Variants in ERAP1 observed in about 807,000 individuals in gnomAD.
ERAP1 encodes the protein endoplasmic reticulum aminopeptidase 1.
In ERAP1, 86 loss-of-function variants were observed where a neutral mutation model predicts 103.7. The observed-to-expected ratio is 0.83, with a 90% CI of 0.70 to 0.99. The LOEUF is 0.99. Among genes scored for constraint, ERAP1 ranks in the 50% least tolerant of loss-of-function variants. The probability of loss-of-function intolerance (pLI) is 0.00; values close to 1 mark genes in which losing one functional copy is unlikely to be tolerated. For missense variants in ERAP1, 1,009 were observed against 1,128.4 expected (o/e 0.89, Z 1.52); for synonymous variants, 398 against 402.4 (o/e 0.99, Z 0.13).
rs376575167 is a variant in ERAP1, at chr5:96,803,755, C to T, written c.172G>A (p.Val58Ile). Residue 58 changes from valine (V) to isoleucine (I), a missense_variant, in exon 2 of 19, where the codon GTC (valine) becomes ATC (isoleucine). By Grantham distance (29) the Val-to-Ile change is conservative. Around this residue, in one of 3 missense-constraint regions of ERAP1, gnomAD observed 392 missense variants for 455.2 expected, o/e 0.86. Coordinates refer to ENST00000443439, the MANE Select transcript of ERAP1 (RefSeq NM_001040458.3). ...PWNKIRLPEYVIPVHYDLLIH... is the reference protein window; with the variant it reads ...PWNKIRLPEYIIPVHYDLLIH... The stretch of plus-strand genomic sequence containing the variant: ...AAGAGATCATAATGAACTGGGATGA[C>T]GTACTCAGGAAGTCGTATTTTATTC... The T allele has an allele frequency of 1.2e-5, 20 of 1,613,490 alleles. No individual in the cohort carries two copies. Among genetic ancestry groups the T allele is most frequent in the African/African-American group, 5.4e-5 (4 of 74,394 alleles).
chr5:96,783,635 G>T (rs2124921), intron 14 of ERAP1, among the ~76,000 whole-genome samples: 24,692 of 152,096 alleles, frequency 0.16, 2,224 homozygotes, highest in Non-Finnish European at 0.21. Context: ...GTCAGCCATT[G>T]TAATAGGAAA....
the ERAP1 span, among the ~76,000 whole-genome samples, chr5:96,823,411 C>A: frequency 6.6e-6 from 1 of 152,162 alleles, no homozygotes; most frequent in African/African-American, 2.4e-5. Flanking sequence ...CCTCCTCATT[C>A]GAGTCCACAG....
At chr5:96,839,182 C>T in the ERAP1 span, among the ~76,000 whole-genome samples, 1 of 152,226 alleles carries the variant, frequency 6.6e-6, no homozygotes, top group Admixed American at 6.5e-5. Flanking sequence ...GACATGTCAT[C>T]CTTGTGGTAC....
upstream of ERAP1, among the ~76,000 whole-genome samples, chr5:96,811,563 C>A (rs140509986): frequency 6.6e-6 from 1 of 152,334 alleles, no homozygotes; most frequent in Admixed American, 6.5e-5. Flanking sequence ...CTGTCCTGAG[C>A]AAATCCTGTC....
the ERAP1 span, chr5:96,917,767 A>G: frequency 1.6e-5 from 7 of 440,774 alleles, no homozygotes; most frequent in South Asian, 1.8e-4. Flanking sequence ...TTAGCCGGGC[A>G]TGGTGGCAGG....
chr5:96,876,287 C>T, the ERAP1 span: 1 of 152,280 alleles, frequency 6.6e-6, no homozygotes, highest in Non-Finnish European at 1.5e-5. Flanking sequence ...CAGCCACTGG[C>T]GATCCTTTCT....
At chr5:96,931,376 T>C in the ERAP1 span, among the ~76,000 whole-genome samples, 1 of 152,116 alleles carries the variant, frequency 6.6e-6, no homozygotes, top group Admixed American at 6.6e-5. Flanking sequence ...ACGTTGGTCT[T>C]GAACTTCTGG....
chr5:96,877,733 T>C, the ERAP1 span, among the ~76,000 whole-genome samples: 1 of 151,890 alleles, frequency 6.6e-6, no homozygotes, highest in Non-Finnish European at 1.5e-5. Context: ...GCCACTCCAT[T>C]TTTTTTAAAC....
chr5:96,793,560 A>T, intron 6 of ERAP1, 47 bp from the exon 7 acceptor site: 1 of 1,365,666 alleles, frequency 7.3e-7, no homozygotes, highest in Non-Finnish European at 1.0e-6. Context: ...AGAAAGAAGT[A>T]TATTTTAGAT....
the ERAP1 span, among the ~76,000 whole-genome samples, chr5:96,891,535 TACACAC>T: frequency 0.018 from 2,489 of 138,938 alleles, 53 homozygotes; most frequent in African/African-American, 0.037. Context: ...ACGGTATATA[TACACAC>T]ACACACACAC....
chr5:96,830,294 A>T, the ERAP1 span, among the ~76,000 whole-genome samples: 16 of 152,340 alleles, frequency 1.1e-4, no homozygotes, highest in East Asian at 2.9e-3. Flanking sequence ...AAGGTAATTT[A>T]AAAATCCTCT....
chr5:96,896,320 G>A, the ERAP1 span: 3 of 1,420,092 alleles, frequency 2.1e-6, no homozygotes, highest in Non-Finnish European at 2.9e-6. Context: ...GTTTTCTATT[G>A]CTTTTACAGT....
the ERAP1 span, chr5:96,896,470 T>C: frequency 1.3e-5 from 21 of 1,613,418 alleles, no homozygotes; most frequent in African/African-American, 2.7e-5. Context: ...CCGACTCAAA[T>C]ACAGGAAATG....
chr5:96,915,706 T>C, the ERAP1 span: 1 of 1,558,232 alleles, frequency 6.4e-7, no homozygotes, highest in African/African-American at 1.4e-5. Flanking sequence ...TGGGCTCATA[T>C]GACATAAGGA....
At chr5:96,837,443 T>A in the ERAP1 span, among the ~76,000 whole-genome samples, 1 of 152,210 alleles carries the variant, frequency 6.6e-6, no homozygotes, top group African/African-American at 2.4e-5. Context: ...GCACGGGCGC[T>A]GGACCCAGGC....
chr5:96,900,306 C>T, the ERAP1 span: 1 of 1,419,620 alleles, frequency 7.0e-7, no homozygotes, highest in Non-Finnish European at 9.3e-7. Flanking sequence ...GAAAGAGAGC[C>T]CCCACGATTT....
At chr5:96,933,563 A>AT in the ERAP1 span, among the ~76,000 whole-genome samples, 55 of 151,272 alleles carry the variant, frequency 3.6e-4, no homozygotes, top group African/African-American at 8.3e-4. Context: ...TCGCTAGTGC[A>AT]TTTTTTTTTA....
chr5:96,834,573 A>G, the ERAP1 span, among the ~76,000 whole-genome samples: 1 of 152,206 alleles, frequency 6.6e-6, no homozygotes, highest in Non-Finnish European at 1.5e-5. Context: ...CAAAACTTTT[A>G]CCTGTGGTCT....
the ERAP1 span, chr5:96,901,576 C>T: frequency 7.0e-5 from 113 of 1,613,962 alleles, 1 homozygote; most frequent in Admixed American, 1.0e-4. Flanking sequence ...AAAGGAATCC[C>T]CCTGCTGGTG....
Sources: gnomAD v4.1 joint callset for allele counts (sites outside exome capture counted in the v4.1 genomes callset) on GRCh38, gnomAD v4.1.1 for gene constraint, gnomAD v4.1.1 regional missense constraint, MANE v1.5 for transcripts, NCBI Gene and HGNC (gene_info 2026-07-23, HGNC 2026-07-21) for gene names.